WARS1: variants seen among roughly 807,000 people sequenced by gnomAD.
WARS1 encodes tryptophan--tRNA ligase, cytoplasmic.
In WARS1, 17 loss-of-function variants were observed where a neutral mutation model predicts 47.8. That is an observed-to-expected ratio of 0.36 (90% CI 0.24 to 0.53). The LOEUF (loss-of-function observed/expected upper bound fraction) is 0.53, where lower values mean the gene tolerates loss of function less well. Among genes scored for constraint, WARS1 ranks in the 20% least tolerant of loss-of-function variants. WARS1 has a pLI of 0.91. For missense variants in WARS1, 434 were observed against 608.0 expected (o/e 0.71, Z 3.01); for synonymous variants, 208 against 228.1 (o/e 0.91, Z 0.79).
intron 2 of WARS1, among the ~76,000 whole-genome samples, chr14:100,362,924 G>C (rs1240706964): frequency 6.6e-6 from 1 of 152,268 alleles, no homozygotes; most frequent in East Asian, 1.9e-4. Context: ...TGTGATTCTG[G>C]AGTAATCTGT....
chr14:100,371,044 A>AG (rs1896316603), intron 1 of WARS1, among the ~76,000 whole-genome samples: 2 of 152,376 alleles, frequency 1.3e-5, no homozygotes, highest in South Asian at 4.1e-4. Context: ...TAGAGCCTAC[A>AG]CTTTCAACCA....
chr14:100,373,840 G>A lies in WARS1; in HGVS notation c.-74+1443C>T, dbSNP rs936696853. 1.5e-4 allele frequency: 22 copies of A among 147,518 alleles called. No homozygotes were observed. Among genetic ancestry groups the A allele is most frequent in the African/African-American group, 5.7e-4 (22 of 38,636 alleles). 9.1% of individuals were successfully genotyped at this position (147,518 alleles called of 1,614,324 possible). A position where few individuals can be genotyped will look rare whatever the true frequency, so the allele number is the denominator to read the frequency against. ...ATTGAAATCTTGTGTGTGTGTGTGT[G>A]TGTGTGTGTGTGTGTGTGTGTGTGT... On this transcript the variant is annotated intron_variant, in intron 1 of 10. Transcript: ENST00000392882. This position sits in a 1 kb window ranked among gnomAD's most constrained non-coding sequence, Gnocchi z 4.4.
chr14:100,345,898 C>T (rs989485194), intron 7 of WARS1, among the ~76,000 whole-genome samples: 5 of 152,216 alleles, frequency 3.3e-5, no homozygotes, highest in Non-Finnish European at 7.3e-5. Flanking sequence ...CCTGGGCACG[C>T]GGCTGGCCCA....
chr14:100,344,232 G>A (rs535129685), intron 7 of WARS1, among the ~76,000 whole-genome samples: 2 of 152,224 alleles, frequency 1.3e-5, no homozygotes, highest in African/African-American at 2.4e-5. Context: ...GCAGGCGCGC[G>A]CCGCCACGCC....
In WARS1 at chr14:100,334,644, A is replaced by G; in HGVS notation, c.*231T>C. ...ACTCACAGCTGGACTTCTCTATCCG[A>G]CCATGCAATGTTAGCCAGCACCAAT... is the stretch of plus-strand genomic sequence containing the variant. On this transcript the variant is annotated 3_prime_UTR_variant, in exon 11 of 11. Transcript: ENST00000392882. The G allele has an allele frequency of 2.3e-6, 1 of 441,966 alleles. No homozygotes were observed. Among genetic ancestry groups the G allele is most frequent in the Non-Finnish European group, 4.0e-6 (1 of 249,398 alleles). The allele number at this position is 441,966 out of a possible 1,614,324, so 27.4% of individuals were successfully genotyped here.
intron 4 of WARS1, among the ~76,000 whole-genome samples, chr14:100,357,504 C>T (rs940416865): frequency 6.6e-5 from 10 of 151,428 alleles, no homozygotes; most frequent in Non-Finnish European, 1.2e-4. Flanking sequence ...TCTTTTTGCC[C>T]GGGCTGGAGT....
At chr14:100,365,006 T>A (rs1895869544) in intron 2 of WARS1, among the ~76,000 whole-genome samples, 1 of 152,014 alleles carries the variant, frequency 6.6e-6, no homozygotes, top group Non-Finnish European at 1.5e-5. Context: ...GTGGCTTGCA[T>A]CTATAATTCC....
intron 6 of WARS1, among the ~76,000 whole-genome samples, chr14:100,350,512 CAG>C (rs1283975463): frequency 6.6e-6 from 1 of 151,724 alleles, no homozygotes; most frequent in Non-Finnish European, 1.5e-5. Context: ...ACTCCACGTT[CAG>C]AGAGCGCTGA....
chr14:100,344,333 C>A (rs1225457246), intron 7 of WARS1, among the ~76,000 whole-genome samples: 1 of 152,218 alleles, frequency 6.6e-6, no homozygotes, highest in Non-Finnish European at 1.5e-5. Context: ...GATCAGCCAG[C>A]CTCGGCCTCC....
At position 100,369,109 on chromosome 14, in the gene WARS1, A is replaced by G; in HGVS notation, c.77T>C (p.Leu26Pro). Residue 26 changes from leucine to proline, a missense_variant, in exon 2 of 11, where the codon CTC (leucine) becomes CCC (proline). This residue lies in a region of WARS1 where 87 missense variants were observed against 84.2 expected (regional missense o/e 1.03). Transcript: ENST00000392882. ...TACCTTTGACGCATTTCCCGCTTTG[A>G]GGGACCTTACGAGCTCCCCTTGTGT... ...IATQGELVRS[L>P]KAGNASKDEI... is the part of the protein sequence containing the mutation. 6.4e-7 allele frequency: 1 copy of G among 1,564,624 alleles called. No homozygotes were observed. Among genetic ancestry groups the G allele is most frequent in the Non-Finnish European group, 8.7e-7 (1 of 1,146,376 alleles).
At chr14:100,353,905 T>C (rs1895154192) in intron 5 of WARS1, 36 bp from the exon 6 acceptor site, 4 of 1,597,560 alleles carry the variant, frequency 2.5e-6, no homozygotes, top group Non-Finnish European at 2.6e-6. Context: ...TGACGTCTCA[T>C]CTCCCCTGTG....
chr14:100,344,086 CACGGTCTCCCTCTCCCT>C (rs1894361559), intron 7 of WARS1, among the ~76,000 whole-genome samples: 1 of 145,686 alleles, frequency 6.9e-6, no homozygotes, highest in Non-Finnish European at 1.5e-5. Context: ...TCCCTCTCCC[CACGGTCTCCCTCTCCCT>C]CTCTTTCCAC....
intron 4 of WARS1, 104 bp from the exon 5 acceptor site, chr14:100,354,670 T>G: frequency 2.3e-6 from 3 of 1,312,936 alleles, no homozygotes; most frequent in Non-Finnish European, 3.1e-6. Context: ...CGAAACAACA[T>G]GGATAATAAC....
chr14:100,361,369 A>G (rs866567122), intron 3 of WARS1, among the ~76,000 whole-genome samples: 4 of 152,242 alleles, frequency 2.6e-5, no homozygotes, highest in Non-Finnish European at 4.4e-5. Flanking sequence ...GTGAAACCTA[A>G]GTAATCTATG....
At chr14:100,338,466 C>T (rs373676218) in intron 9 of WARS1, among the ~76,000 whole-genome samples, 11 of 152,032 alleles carry the variant, frequency 7.2e-5, no homozygotes, top group Admixed American at 3.9e-4. Flanking sequence ...CAGGTTTTGT[C>T]GTGTAGTCCA....
chr14:100,368,962 A>G, intron 2 of WARS1, 125 bp downstream of exon 2: 1 of 611,408 alleles, frequency 1.6e-6, no homozygotes, highest in Non-Finnish European at 2.4e-6. Flanking sequence ...ATTCCCTCTC[A>G]AAAAATAAAA....
intron 1 of WARS1, among the ~76,000 whole-genome samples, chr14:100,371,851 A>G (rs1181939147): frequency 6.6e-6 from 1 of 152,208 alleles, no homozygotes; most frequent in East Asian, 1.9e-4. Flanking sequence ...GGAGTTCAAG[A>G]GCAGCTTGGG....
Position 100,334,758 on chromosome 14 carries a change from C to A in WARS1, c.*117G>T. On this transcript the variant is annotated 3_prime_UTR_variant, in exon 11 of 11. Coordinates refer to ENST00000392882, the MANE Select transcript of WARS1 (RefSeq NM_004184.4). ...ATAACATACACAGGCTTACAGAGGC[C>A]AGGCCCAGTAATTACCATGAGACAG... 1 of 1,236,442 alleles carries A rather than the reference C, an allele frequency of 8.1e-7. No individual in the cohort carries two copies. Among genetic ancestry groups the A allele is most frequent in the South Asian group, 1.4e-5 (1 of 70,012 alleles). 76.6% of individuals were successfully genotyped at this position (1,236,442 alleles called of 1,614,324 possible).
intron 9 of WARS1, chr14:100,340,203 G>A (rs1355898173): frequency 6.6e-6 from 1 of 152,170 alleles, no homozygotes; most frequent in Non-Finnish European, 1.5e-5. Flanking sequence ...TCCTTGACGT[G>A]ATCAGTCCTC....
Sources: gnomAD v4.1 joint callset for allele counts (sites outside exome capture counted in the v4.1 genomes callset) on GRCh38, gnomAD v4.1.1 for gene constraint, gnomAD v4.1.1 regional missense constraint, Gnocchi (gnomAD v3.1) non-coding constraint, MANE v1.5 for transcripts, NCBI Gene and HGNC (gene_info 2026-07-23, HGNC 2026-07-21) for gene names.